The following KCNU1 variants were observed in gnomAD, a reference collection of about 807,000 sequenced individuals.
The protein encoded by KCNU1 is potassium channel subfamily U member 1.
Under a neutral mutation model 126.8 loss-of-function variants are expected in KCNU1, and 93 were observed. That is an observed-to-expected ratio of 0.73 (90% CI 0.62 to 0.87). The LOEUF (loss-of-function observed/expected upper bound fraction) is 0.87, where lower values mean the gene tolerates loss of function less well. Among genes scored for constraint, KCNU1 ranks in the 40% least tolerant of loss-of-function variants. The pLI, the probability that KCNU1 is intolerant of heterozygous loss-of-function variation, is 0.00. For synonymous variants in KCNU1, 523 were observed against 494.2 expected (o/e 1.06, Z -0.77); for missense variants, 1,330 against 1,367.1 (o/e 0.97, Z 0.43).
intron 19 of KCNU1, among the ~76,000 whole-genome samples, chr8:36,885,479 C>A (rs932772051): frequency 2.0e-5 from 3 of 152,014 alleles, no homozygotes; most frequent in African/African-American, 7.2e-5. Context: ...CGCTTAAAGC[C>A]AGGAGAAGGA....
intron 19 of KCNU1, among the ~76,000 whole-genome samples, chr8:36,873,739 G>T (rs377563420): frequency 6.6e-6 from 1 of 152,138 alleles, no homozygotes; most frequent in Non-Finnish European, 1.5e-5. Flanking sequence ...AAGCACATGC[G>T]CAACGATCAG....
chr8:36,836,681 TGAA>T, intron 13 of KCNU1, 109 bp from the exon 14 acceptor site: 1 of 946,696 alleles, frequency 1.1e-6, no homozygotes, highest in Middle Eastern at 2.2e-4. Context: ...TGTGCAAAAA[TGAA>T]GAATATATGA....
At chr8:36,862,834 C>T (rs1805778739) in intron 18 of KCNU1, among the ~76,000 whole-genome samples, 1 of 152,068 alleles carries the variant, frequency 6.6e-6, no homozygotes, top group Non-Finnish European at 1.5e-5. Context: ...TAGGCTAGTT[C>T]GGGCATGTTG....
At chr8:36,893,943 A>G (rs1262475134) in intron 19 of KCNU1, among the ~76,000 whole-genome samples, 1 of 152,128 alleles carries the variant, frequency 6.6e-6, no homozygotes. Context: ...GTTTAAGACC[A>G]TCTCTTTGCA....
chr8:36,883,250 G>A (rs1015353698), intron 19 of KCNU1, among the ~76,000 whole-genome samples: 1 of 152,142 alleles, frequency 6.6e-6, no homozygotes, highest in African/African-American at 2.4e-5. Flanking sequence ...TTCAGTTGGT[G>A]ACCTATCATG....
At chr8:36,818,044 A>G (rs1032726187) in intron 10 of KCNU1, among the ~76,000 whole-genome samples, 1 of 152,200 alleles carries the variant, frequency 6.6e-6, no homozygotes, top group East Asian at 1.9e-4. Context: ...CTATAATCTT[A>G]TGCAAAAGCC....
intron 7 of KCNU1, among the ~76,000 whole-genome samples, chr8:36,811,670 G>A (rs569549005): frequency 6.6e-5 from 10 of 152,220 alleles, no homozygotes; most frequent in Non-Finnish European, 1.3e-4. Flanking sequence ...GGTGGCTCAC[G>A]CTTTTAATCT....
intron 23 of KCNU1, 37 bp from the exon 24 acceptor site, chr8:36,922,453 A>T: frequency 6.3e-7 from 1 of 1,596,756 alleles, no homozygotes; most frequent in Non-Finnish European, 8.5e-7. Context: ...TCTTAACCTG[A>T]TCTGCTTGTC....
chr8:36,861,907 A>T (rs781596544), intron 18 of KCNU1, among the ~76,000 whole-genome samples: 13 of 152,216 alleles, frequency 8.5e-5, no homozygotes, highest in Non-Finnish European at 1.9e-4. Flanking sequence ...TGAAAGAGAA[A>T]GGTAACCAAA....
intron 16 of KCNU1, among the ~76,000 whole-genome samples, chr8:36,845,089 A>T (rs1208048783): frequency 6.6e-6 from 1 of 152,202 alleles, no homozygotes; most frequent in Non-Finnish European, 1.5e-5. Context: ...AGTCAAAAGA[A>T]ACGCACAACC....
chr8:36,874,302 C>A (rs1296960640), intron 19 of KCNU1, among the ~76,000 whole-genome samples: 2 of 152,132 alleles, frequency 1.3e-5, no homozygotes, highest in Non-Finnish European at 2.9e-5. Flanking sequence ...ATGTGGAAAT[C>A]ATTTTTTTTC....
At position 36,832,234 on chromosome 8, in the gene KCNU1, C is replaced by T. The variant is rs193268562; in HGVS notation, c.1107-1320C>T. Among the ~76,000 whole-genome samples, 105 of 152,178 alleles carry T rather than the reference C, an allele frequency of 6.9e-4. 1 individual carries two copies. The highest frequency in any genetic ancestry group is 2.5e-3 in the African/African-American group (102 of 41,542). On this transcript the variant is annotated intron_variant, in intron 10 of 26. Coordinates refer to ENST00000399881, the MANE Select transcript of KCNU1 (RefSeq NM_001031836.3). The stretch of plus-strand genomic sequence containing the variant: ...TGTTCTTTTGGCTCATGATTGACTT[C>T]GTGAGTGGGCTCTTTTTTGGTTCCA...
chr8:36,862,828 C>A, intron 18 of KCNU1, among the ~76,000 whole-genome samples: 1 of 152,076 alleles, frequency 6.6e-6, no homozygotes. Flanking sequence ...AATTCCTAGG[C>A]TAGTTCGGGC....
intron 7 of KCNU1, among the ~76,000 whole-genome samples, chr8:36,810,289 C>G (rs1425756523): frequency 6.6e-6 from 1 of 152,014 alleles, no homozygotes; most frequent in Non-Finnish European, 1.5e-5. Context: ...TAGCTTCTCC[C>G]TATGTACAGC....
In KCNU1 at chr8:36,845,855, T is replaced by C. The variant is rs764273889; in HGVS notation, c.1847T>C (p.Ile616Thr). 1 of 1,608,990 alleles carries C rather than the reference T, an allele frequency of 6.2e-7. No homozygotes were observed. The highest frequency in any genetic ancestry group is 8.5e-7 in the Non-Finnish European group (1 of 1,177,252). Residue 616 changes from isoleucine (I) to threonine (T), a missense_variant, in exon 18 of 27, where the codon ATT (isoleucine) becomes ACT (threonine). Ile to Thr is a moderately conservative substitution (Grantham distance 89). Transcript: ENST00000399881. ...CHDDVFIPEL[I>T]TNCGCKSRSR... ...GATGATGTGTTCATTCCTGAGCTAA[T>C]TACAAACTGTGGCTGCAAAAGCAGA...
At chr8:36,845,300 A>G (rs1421974561) in intron 16 of KCNU1, among the ~76,000 whole-genome samples, 1 of 152,202 alleles carries the variant, frequency 6.6e-6, no homozygotes, top group East Asian at 1.9e-4. Context: ...ACCATCTCAG[A>G]TGCATGACAG....
intron 7 of KCNU1, among the ~76,000 whole-genome samples, 190 bp downstream of exon 7, chr8:36,808,983 G>C (rs148988207): frequency 2.4e-4 from 37 of 152,120 alleles, no homozygotes; most frequent in African/African-American, 8.7e-4. Context: ...TACAATCAAG[G>C]TGTCTCTGTT....
intron 22 of KCNU1, among the ~76,000 whole-genome samples, chr8:36,917,645 T>C (rs1456601678): frequency 2.0e-5 from 3 of 152,100 alleles, no homozygotes; most frequent in Non-Finnish European, 2.9e-5. Context: ...TGTGAGCCAC[T>C]GCACCCAACC....
chr8:36,824,082 C>T (rs932671377), intron 10 of KCNU1, among the ~76,000 whole-genome samples: 6 of 152,110 alleles, frequency 3.9e-5, no homozygotes, highest in South Asian at 2.1e-4. Context: ...GGTGATCCAC[C>T]CGCCTCTACC....
Sources: allele counts gnomAD v4.1 joint callset (sites outside exome capture counted in the v4.1 genomes callset), GRCh38; gene constraint gnomAD v4.1.1; transcripts MANE v1.5; gene names NCBI Gene and HGNC (gene_info 2026-07-23, HGNC 2026-07-21).